The following HIVEP3 variants were observed in gnomAD, a reference collection of about 807,000 sequenced individuals.
HIVEP3 encodes HIVEP zinc finger 3.
HIVEP3 carries 49 observed loss-of-function variants against 152.8 expected under a neutral mutation model. The ratio of observed to expected loss-of-function variants is 0.32; its 90% CI spans 0.26 to 0.41. The LOEUF (loss-of-function observed/expected upper bound fraction) is 0.41. Among genes scored for constraint, HIVEP3 ranks in the 10% least tolerant of loss-of-function variants. The pLI is 1.00. For missense variants in HIVEP3, 2,790 were observed against 3,103.3 expected, an observed-to-expected ratio of 0.90 and a Z score of 2.40; for synonymous variants, 1,269 against 1,289.0, an observed-to-expected ratio of 0.98 and a Z score of 0.33.
At chr1:41,586,391 C>T (rs34526890) in intron 3 of HIVEP3, among the ~76,000 whole-genome samples, 3,615 of 152,344 alleles carry the variant, frequency 0.024, 66 homozygotes, top group Middle Eastern at 0.082. Context: ...ACTGAAGGTC[C>T]CGTGTTGCTA....
chr1:41,576,214 G>A (rs1370999141), intron 4 of HIVEP3, among the ~76,000 whole-genome samples: 1 of 152,200 alleles, frequency 6.6e-6, no homozygotes, highest in Non-Finnish European at 1.5e-5. Context: ...TTGCTTCCAG[G>A]ATCTTGGCCC....
At chr1:41,990,545 A>C (rs879505566) in intron 1 of HIVEP3, among the ~76,000 whole-genome samples, 2,668 of 140,354 alleles carry the variant, frequency 0.019, 45 homozygotes, top group Non-Finnish European at 0.023. Flanking sequence ...CCCACACATT[A>C]ATAATGGGAG....
intron 1 of HIVEP3, among the ~76,000 whole-genome samples, chr1:41,956,358 A>C (rs1208647390): frequency 6.6e-6 from 1 of 152,364 alleles, no homozygotes; most frequent in East Asian, 1.9e-4. Flanking sequence ...GAAACGGTCC[A>C]GGGTGCTGTG....
chr1:41,888,202 A>ATTTTTTTTTTTTTTTTTTT (rs61561436), intron 1 of HIVEP3, among the ~76,000 whole-genome samples: 1 of 99,202 alleles, frequency 1.0e-5, no homozygotes, highest in Non-Finnish European at 1.9e-5. Context: ...CGCCCGGCTA[A>ATTTTTTTTTTTTTTTTTTT]TTTTTTTTTT....
chr1:41,845,832 C>T (rs1235057526), intron 1 of HIVEP3, among the ~76,000 whole-genome samples: 3 of 152,076 alleles, frequency 2.0e-5, no homozygotes, highest in South Asian at 4.2e-4. Context: ...TTTGGGAGGC[C>T]GAGGCAGGTG....
intron 1 of HIVEP3, among the ~76,000 whole-genome samples, chr1:41,833,585 C>T (rs1643028871): frequency 6.6e-6 from 1 of 152,180 alleles, no homozygotes; most frequent in Admixed American, 6.5e-5. Flanking sequence ...ATGCCCTCTC[C>T]TCTGCCCCTC....
At chr1:41,792,972 C>A (rs759455779) in intron 1 of HIVEP3, among the ~76,000 whole-genome samples, 19 of 152,284 alleles carry the variant, frequency 1.2e-4, no homozygotes, top group Admixed American at 2.0e-4. Context: ...TTCAGGGGAT[C>A]CTGGATTCTG....
intron 1 of HIVEP3, among the ~76,000 whole-genome samples, chr1:42,008,826 C>T (rs574653991): frequency 1.3e-5 from 2 of 152,290 alleles, no homozygotes; most frequent in South Asian, 2.1e-4. Context: ...TCTCCTTGTC[C>T]GTGTGTCCAC....
At chr1:41,557,352 C>T (rs1643982665) in intron 5 of HIVEP3, among the ~76,000 whole-genome samples, 1 of 151,974 alleles carries the variant, frequency 6.6e-6, no homozygotes, top group Non-Finnish European at 1.5e-5. Flanking sequence ...ACAGAATGCA[C>T]AAGTTCAGAG....
At chr1:41,971,059 C>A (rs976361196) in intron 1 of HIVEP3, among the ~76,000 whole-genome samples, 1 of 152,126 alleles carries the variant, frequency 6.6e-6, no homozygotes, top group African/African-American at 2.4e-5. Context: ...AATTTCAAAA[C>A]ATTAGTGTTT....
rs202155095 is a variant in HIVEP3, at chr1:41,575,499, C to G, written c.5207+45G>C. The G allele has an allele frequency of 1.1e-5, 18 of 1,602,034 alleles. No homozygotes were observed. The African/African-American group carries it at 1.7e-4, about 15-fold the overall frequency. On this transcript the variant is annotated intron_variant, in intron 5 of 8. Transcript: ENST00000372583. ...CCGTGAACACCAATGGGCACCAGCT[C>G]TTATTCCACGGAAGCAGACGATGGA...
In HIVEP3 at chr1:41,688,092, A is replaced by C. The variant is rs1320561972; in HGVS notation, c.-721+12824T>G. On this transcript the variant is annotated intron_variant, in intron 2 of 8. Coordinates refer to ENST00000372583, the MANE Select transcript of HIVEP3 (RefSeq NM_024503.5). ...TGTGGGCACCACGGTTCTTGTTGAT[A>C]GTTCCTGACACCTTCAAAGAAGCCA... Among the ~76,000 whole-genome samples, 11 of 152,250 alleles carry C rather than the reference A, an allele frequency of 7.2e-5. 1 individual carries two copies. Among genetic ancestry groups the C allele is most frequent in the Admixed American group, 7.2e-4 (11 of 15,290 alleles).
chr1:41,986,749 A>G (rs1307947862), intron 1 of HIVEP3, among the ~76,000 whole-genome samples: 1 of 152,220 alleles, frequency 6.6e-6, no homozygotes, highest in Non-Finnish European at 1.5e-5. Context: ...CGAATAGGAC[A>G]TTTTTAACAC....
chr1:42,015,046 G>A (rs569487740), intron 1 of HIVEP3, among the ~76,000 whole-genome samples: 30 of 152,168 alleles, frequency 2.0e-4, no homozygotes, highest in Non-Finnish European at 4.0e-4. Context: ...GCCCTGTGGA[G>A]AGGCAAAGCC....
At chr1:42,033,011 G>C (rs1236007494) in intron 1 of HIVEP3, among the ~76,000 whole-genome samples, 3 of 152,090 alleles carry the variant, frequency 2.0e-5, no homozygotes, top group African/African-American at 2.4e-5. Flanking sequence ...TTTGACCCTG[G>C]AGGTGTCCAA....
Position 41,584,353 on chromosome 1 carries a change from C to T in HIVEP3, c.445G>A (p.Ala149Thr), listed in dbSNP as rs369093086. Residue 149 changes from alanine (A) to threonine (T), a missense_variant, in exon 4 of 9, where the codon GCT becomes ACT. Around this residue, in one of 9 missense-constraint regions of HIVEP3, gnomAD observed 209 missense variants for 237.0 expected, o/e 0.88. Transcript: ENST00000372583. The surrounding 1 kb of genome is among the most constrained non-coding windows in gnomAD (Gnocchi z 5.2). Reference protein sequence around the residue: ...HPQSQLLPSHASIIPPEDLPG... With the variant: ...HPQSQLLPSHTSIIPPEDLPG... Reference sequence around the variant, plus strand: ...AGGTCCTCGGGGGGAATGATGGAAGCGTGGGAAGGAAGGAGCTGGCTCTGA... The same window carrying T: ...AGGTCCTCGGGGGGAATGATGGAAGTGTGGGAAGGAAGGAGCTGGCTCTGA... 395 of 1,613,504 alleles carry T rather than the reference C, an allele frequency of 2.4e-4. No individual in the cohort carries two copies. Among genetic ancestry groups the T allele is most frequent in the Non-Finnish European group, 3.2e-4 (382 of 1,179,786 alleles).
intron 1 of HIVEP3, among the ~76,000 whole-genome samples, chr1:41,971,806 A>G (rs977330042): frequency 6.6e-6 from 1 of 152,148 alleles, no homozygotes; most frequent in Non-Finnish European, 1.5e-5. Context: ...AAGAGGTAGG[A>G]CCTTTTGGTG....
rs375247798 is a variant in HIVEP3 at position 41,628,103 on chromosome 1, A to G, written c.-522+646T>C. Among the ~76,000 whole-genome samples the G allele has an allele frequency of 5.3e-5, 8 of 152,330 alleles. No individual in the cohort carries two copies. In the East Asian group the frequency reaches 1.3e-3, roughly 26 times the overall value. On this transcript the variant is annotated intron_variant, in intron 3 of 8. Transcript: ENST00000372583. ...TGAAGATCTAAATGCATATATAAAC[A>G]TAAGCTGATACCAGGCCTCTCCCCA...
chr1:41,724,000 T>C (rs1371279265), intron 1 of HIVEP3, among the ~76,000 whole-genome samples: 2 of 152,212 alleles, frequency 1.3e-5, no homozygotes, highest in African/African-American at 4.8e-5. Flanking sequence ...TTCCTTCAAA[T>C]GCTATAATCT....
Sources: allele counts gnomAD v4.1 joint callset (sites outside exome capture counted in the v4.1 genomes callset), GRCh38; gene constraint gnomAD v4.1.1; regional missense constraint gnomAD v4.1.1; non-coding constraint Gnocchi (gnomAD v3.1); transcripts MANE v1.5; gene names NCBI Gene and HGNC (gene_info 2026-07-23, HGNC 2026-07-21).